Variants in MED12 observed in about 807,000 individuals in gnomAD.
MED12 encodes mediator of RNA polymerase II transcription subunit 12.
Under a neutral mutation model 177.7 loss-of-function variants are expected in MED12, and 10 were observed. That is an observed-to-expected ratio of 0.06 (90% CI 0.03 to 0.10). MED12 has a LOEUF of 0.10. Among genes scored for constraint, MED12 ranks in the 10% least tolerant of loss-of-function variants. The pLI is 1.00. For missense variants in MED12, 867 were observed against 1,780.8 expected (o/e 0.49, Z 9.23); for synonymous variants, 641 against 678.4 (o/e 0.94, Z 0.86).
intron 43 of MED12, 150 bp from the exon 44 acceptor site, chrX:71,141,733 C>T: frequency 3.6e-6 from 2 of 549,851 alleles, no homozygotes; most frequent in Admixed American, 2.7e-5. Context: ...ACTTGGGAGG[C>T]AGAGGTTGCA....
chrX:71,126,243 T>G, intron 18 of MED12, 89 bp downstream of exon 18: 1 of 1,166,828 alleles, frequency 8.6e-7, no homozygotes, highest in Non-Finnish European at 1.2e-6. Context: ...CTAGGCAGGC[T>G]AAGCCTCCTG....
In MED12 at chrX:71,133,104, T is replaced by C. The variant is rs370859385; in HGVS notation, c.4528-19T>C. On this transcript the variant is annotated intron_variant, in intron 32 of 44. Coordinates refer to ENST00000374080, the MANE Select transcript of MED12 (RefSeq NM_005120.3). ...CACGAAGATCCCTGAGCTGCATATT[T>C]TATTTGTTTCTATTCTAGATTGTGA... 540 of 1,138,130 alleles carry C rather than the reference T, an allele frequency of 4.7e-4. 2 individuals are homozygous for C. The highest frequency in any genetic ancestry group is 6.1e-4 in the Non-Finnish European group (507 of 830,173). The allele number at this position is 1,138,130 out of a possible 1,213,427, so 93.8% of individuals were successfully genotyped here.
Position 71,125,334 on chromosome X carries a change from G to T in MED12, c.2227-17G>T, listed in dbSNP as rs1431799998. On this transcript the variant is annotated splice_polypyrimidine_tract_variant and intron_variant, in intron 15 of 44. Transcript: ENST00000374080. ...AGGAGATCGGTGCTGGAGTCTGATG[G>T]TGCTGCTGGGATGCAGGAGGAGTCA... 1 of 1,210,779 alleles carries T rather than the reference G, an allele frequency of 8.3e-7. No individual in the cohort carries two copies.
At chrX:71,136,003 T>G (rs2092331340) in intron 36 of MED12, among the ~76,000 whole-genome samples, 1 of 107,059 alleles carries the variant, frequency 9.3e-6, no homozygotes, top group South Asian at 4.2e-4. Flanking sequence ...TCTCCCGATC[T>G]TCTCTCCCCA....
intron 20 of MED12, 84 bp downstream of exon 20, chrX:71,127,216 A>G (rs1306252749): frequency 6.1e-6 from 7 of 1,150,258 alleles, no homozygotes; most frequent in East Asian, 3.1e-5. Flanking sequence ...ACTTCCTCAC[A>G]CTCTGGGGAA....
chrX:71,134,512 T>C, intron 34 of MED12, 46 bp downstream of exon 34: 2 of 932,924 alleles, frequency 2.1e-6, no homozygotes, highest in South Asian at 2.1e-5. Flanking sequence ...CCCAAGAAGC[T>C]CCCCCTACTC....
intron 41 of MED12, among the ~76,000 whole-genome samples, chrX:71,138,579 A>T (rs1274839710): frequency 1.8e-5 from 2 of 108,719 alleles, no homozygotes; most frequent in Non-Finnish European, 3.8e-5. Flanking sequence ...CCAAAAAAAA[A>T]TTTTTTTTTA....
At position 71,127,004 on chromosome X, in the gene MED12, G is replaced by A. The variant is rs757010467; in HGVS notation, c.2721G>A (p.Leu907=). ...AACTGAGTGTAGTTGAGGCTGAGCT[G>A]CTTCTCAAATCCTCGGATCTGGTGG... is the stretch of plus-strand genomic sequence containing the variant. ...LNELSVVEAE[L]LLKSSDLVGS... is the part of the protein sequence containing the mutation. Residue 907 remains leucine (L), a synonymous_variant, in exon 20 of 45, where the codon CTG becomes CTA. Coordinates refer to ENST00000374080, the MANE Select transcript of MED12 (RefSeq NM_005120.3). 1.9e-5 allele frequency: 23 copies of A among 1,209,994 alleles called. No homozygotes were observed. In the East Asian group the frequency reaches 6.5e-4, roughly 34 times the overall value.
In MED12 at chrX:71,124,263, A is replaced by G. The variant is rs765417606; in HGVS notation, c.1849A>G (p.Thr617Ala). The change falls in exon 13 of 45, where the codon ACT becomes GCT. Residue 617 changes from threonine to alanine, a missense_variant. Physicochemically the swap from Thr to Ala is moderately conservative, Grantham distance 58. Coordinates refer to ENST00000374080, the MANE Select transcript of MED12 (RefSeq NM_005120.3). ...DVFSHNMYTC[T>A]LISRGDLAFG... ...TTTCTCCCACAACATGTATACTTGC[A>G]CTCTCATCTCCCGAGGGGACCTTGC... 41 of 1,207,230 alleles carry G rather than the reference A, an allele frequency of 3.4e-5. No individual in the cohort carries two copies. Among genetic ancestry groups the G allele is most frequent in the Admixed American group, 2.0e-4 (9 of 45,646 alleles).
At chrX:71,119,987 A>G (rs1049704639) in intron 3 of MED12, 27 bp from the exon 4 acceptor site, 2 of 1,211,047 alleles carry the variant, frequency 1.7e-6, no homozygotes, top group Admixed American at 4.3e-5. Context: ...GATAATAGAG[A>G]CCTCACTATT....
chrX:71,142,211 G>A lies in MED12; in HGVS notation c.6527G>A (p.Arg2176His), dbSNP rs746914362. The change falls in exon 45 of 45, where the codon CGC becomes CAC. Residue 2176 changes from arginine to histidine, a missense_variant. Around this residue, in one of 14 missense-constraint regions of MED12, gnomAD observed 236 missense variants for 345.2 expected, o/e 0.68. Transcript: ENST00000374080. ...CAGCCCAGTACCAACATATTTGGAC[G>A]CTACTGAGCCACCTGGAGGAACTGC... ...QPQPSTNIFG[R>H]Y 9.1e-6 allele frequency: 11 copies of A among 1,208,987 alleles called. No homozygotes were observed. The highest frequency in any genetic ancestry group is 1.7e-5 in the African/African-American group (1 of 57,162).
rs1160622086 is a variant in MED12, at chrX:71,118,694, C to G, written c.-61C>G. 1.2e-5 allele frequency: 13 copies of G among 1,108,111 alleles called. No homozygotes were observed. The highest frequency in any genetic ancestry group is 9.6e-5 in the South Asian group (5 of 51,983). The allele number at this position is 1,108,111 out of a possible 1,213,427, so 91.3% of individuals were successfully genotyped here. On this transcript the variant is annotated 5_prime_UTR_variant, in exon 1 of 45. Coordinates refer to ENST00000374080, the MANE Select transcript of MED12 (RefSeq NM_005120.3). ...CCCCCCTTTTCGGCTCCCTCTCCCC[C>G]TTCCCGTTCCCCCAGTCAGCCTGGC...
intron 31 of MED12, 93 bp from the exon 32 acceptor site, chrX:71,132,752 C>CCTCTCCTCTT (rs1177076252): frequency 3.1e-5 from 25 of 793,848 alleles, no homozygotes; most frequent in East Asian, 1.5e-4. Context: ...TCCCTTTTCT[C>CCTCTCCTCTT]CTCTCCTCTT....
chrX:71,124,911 A>G, intron 14 of MED12, 65 bp from the exon 15 acceptor site: 1 of 1,183,441 alleles, frequency 8.4e-7, no homozygotes, highest in Non-Finnish European at 1.1e-6. Flanking sequence ...TGCTTTTGGC[A>G]TGTTTTTTTG....
rs1366328614 is a variant in MED12, at chrX:71,125,122, C to T, written c.2202C>T (p.Tyr734=). 9.9e-6 allele frequency: 12 copies of T among 1,208,789 alleles called. No homozygotes were observed. The highest frequency in any genetic ancestry group is 1.8e-5 in the African/African-American group (1 of 56,864). Residue 734 remains tyrosine, a synonymous_variant, in exon 15 of 45, where the codon TAC becomes TAT. Coordinates refer to ENST00000374080, the MANE Select transcript of MED12 (RefSeq NM_005120.3). ...ACGACCAGCCACGACACGTGCAGTA[C>T]GCCACCCATTTTCCCATCCCCCAGG... The part of the protein sequence containing the change: ...VLYDQPRHVQ[Y]ATHFPIPQEE...
intron 29 of MED12, 28 bp downstream of exon 29, chrX:71,131,649 C>T (rs2092317724): frequency 1.7e-6 from 2 of 1,191,287 alleles, no homozygotes; most frequent in Admixed American, 4.4e-5. Context: ...CCTCCCTTTC[C>T]TGTGCTCACG....
chrX:71,132,407 G>A lies in MED12; in HGVS notation c.4284G>A (p.Val1428=). The change falls in exon 31 of 45, where the codon GTG becomes GTA. Residue 1428 remains valine, a synonymous_variant. Transcript: ENST00000374080. Reference sequence around the variant, plus strand: ...TAGAGCGCTCTGGTGTATGGCTGGTGGCCCCCCTCATTGCTAAACTGCCCA... The same window carrying A: ...TAGAGCGCTCTGGTGTATGGCTGGTAGCCCCCCTCATTGCTAAACTGCCCA... ...SSLERSGVWL[V]APLIAKLPTS... The A allele has an allele frequency of 8.3e-7, 1 of 1,211,137 alleles. No individual in the cohort carries two copies. The highest frequency in any genetic ancestry group is 3.0e-5 in the East Asian group (1 of 33,852).
chrX:71,124,025 C>T (rs1473561995), intron 12 of MED12, 134 bp from the exon 13 acceptor site: 6 of 588,396 alleles, frequency 1.0e-5, no homozygotes, highest in Non-Finnish European at 1.4e-5. Context: ...GGGTAACCAA[C>T]CACACTTTGT....
At chrX:71,133,015 G>A in intron 32 of MED12, 59 bp downstream of exon 32, 2 of 1,059,700 alleles carry the variant, frequency 1.9e-6, no homozygotes, top group Non-Finnish European at 1.3e-6. Flanking sequence ...CACCTAAGGG[G>A]TTACTCTGTA....
Sources: gnomAD v4.1 joint callset for allele counts (sites outside exome capture counted in the v4.1 genomes callset) on GRCh38, gnomAD v4.1.1 for gene constraint, gnomAD v4.1.1 regional missense constraint, MANE v1.5 for transcripts, NCBI Gene and HGNC (gene_info 2026-07-23, HGNC 2026-07-21) for gene names.